The following PRMT8 variants were observed in gnomAD, a reference collection of about 807,000 sequenced individuals.
PRMT8 encodes the protein protein arginine methyltransferase 8, also known as protein arginine N-methyltransferase 8.
Under a neutral mutation model 47.1 loss-of-function variants are expected in PRMT8, and 7 were observed. The observed-to-expected ratio is 0.15, with a 90% CI of 0.08 to 0.28. The LOEUF (loss-of-function observed/expected upper bound fraction) is 0.28, where lower values mean the gene tolerates loss of function less well. Among genes scored for constraint, PRMT8 ranks in the 10% least tolerant of loss-of-function variants. The pLI is 1.00. For synonymous variants in PRMT8, 188 were observed against 186.5 expected, an observed-to-expected ratio of 1.01 and a Z score of -0.07; for missense variants, 237 against 505.4, an observed-to-expected ratio of 0.47 and a Z score of 5.09.
At chr12:3,543,600 G>GATTGATCTGTAAATA (rs1866271883) in intron 2 of PRMT8, among the ~76,000 whole-genome samples, 1 of 152,158 alleles carries the variant, frequency 6.6e-6, no homozygotes. Flanking sequence ...GACTGGGTTT[G>GATTGATCTGTAAATA]ATTGATCTGT....
intron 1 of PRMT8, among the ~76,000 whole-genome samples, chr12:3,396,506 A>G: frequency 6.6e-6 from 1 of 152,194 alleles, no homozygotes; most frequent in East Asian, 1.9e-4. Context: ...TTCTGGGTTG[A>G]AAATTCTTTT....
At chr12:3,448,147 G>A (rs1413040785) in intron 1 of PRMT8, among the ~76,000 whole-genome samples, 1 of 152,148 alleles carries the variant, frequency 6.6e-6, no homozygotes, top group Non-Finnish European at 1.5e-5. Flanking sequence ...CAGGCATGTG[G>A]CACTATGCCT....
Position 3,540,613 on chromosome 12 carries a change from G to C in PRMT8, c.83G>C (p.Ser28Thr). 63 of 1,130,422 alleles carry C rather than the reference G, an allele frequency of 5.6e-5. No homozygotes were observed. Among genetic ancestry groups the C allele is most frequent in the South Asian group, 2.4e-4 (19 of 78,770 alleles). The allele number at this position is 1,130,422 out of a possible 1,614,324, so 70.0% of individuals were successfully genotyped here. ...CCCTTCTCTTCCCCTCAGGTGAACA[G>C]CCCCCCCTCCCAGCCCCCCCAGCCC... ...ENAAESTEVN[S>T]PPSQPPQPVV... Residue 28 changes from serine to threonine, a missense_variant, in exon 2 of 10, where the codon AGC (serine) becomes ACC (threonine). Ser to Thr is a moderately conservative substitution (Grantham distance 58, BLOSUM62 1). This residue lies in a region of PRMT8 where 43 missense variants were observed against 32.4 expected (regional missense o/e 1.33). Transcript: ENST00000382622.
chr12:3,446,903 T>C (rs1864861328), intron 1 of PRMT8, among the ~76,000 whole-genome samples: 1 of 152,152 alleles, frequency 6.6e-6, no homozygotes, highest in African/African-American at 2.4e-5. Flanking sequence ...AAATAAACAT[T>C]CAACCACCTT....
intron 1 of PRMT8, among the ~76,000 whole-genome samples, chr12:3,382,641 A>G (rs1423492600): frequency 6.6e-6 from 1 of 152,142 alleles, no homozygotes; most frequent in Non-Finnish European, 1.5e-5. Flanking sequence ...GTGGTTTACA[A>G]ATATTTTCTC....
chr12:3,488,108 T>G (rs961738453), upstream of PRMT8, among the ~76,000 whole-genome samples: 1 of 152,184 alleles, frequency 6.6e-6, no homozygotes, highest in African/African-American at 2.4e-5. Flanking sequence ...GGCAATTCCT[T>G]GTGTTTTTGT....
Position 3,552,856 on chromosome 12 carries a change from A to T in PRMT8, c.418-795A>T. The T allele has an allele frequency of 2.2e-6, 1 of 449,792 alleles. No homozygotes were observed. The highest frequency in any genetic ancestry group is 1.6e-5 in the South Asian group (1 of 63,774). The allele number at this position is 449,792 out of a possible 1,614,324, so 27.9% of individuals were successfully genotyped here. On this transcript the variant is annotated intron_variant, in intron 3 of 9. Coordinates refer to ENST00000382622, the MANE Select transcript of PRMT8 (RefSeq NM_019854.5). The surrounding 1 kb of genome is among the most constrained non-coding windows in gnomAD (Gnocchi z 4.5). ...GGAGGTGAGTAGAGCCCAGGGCCTT[A>T]GCACAGGCCAGCCTCTGTAAGAGAG...
chr12:3,542,630 A>G (rs1179963227), intron 2 of PRMT8, among the ~76,000 whole-genome samples: 1 of 152,208 alleles, frequency 6.6e-6, no homozygotes, highest in East Asian at 1.9e-4. Flanking sequence ...GGGCCTGCCC[A>G]GAACTCCCCC....
intron 1 of PRMT8, among the ~76,000 whole-genome samples, chr12:3,520,509 A>G (rs116156321): frequency 0.023 from 3,494 of 152,336 alleles, 137 homozygotes; most frequent in African/African-American, 0.079. Flanking sequence ...GGAGAGGAGA[A>G]TAAAAAGGCA....
At chr12:3,465,122 C>CAAA (rs1386915523) in intron 1 of PRMT8, among the ~76,000 whole-genome samples, 15 of 44,394 alleles carry the variant, frequency 3.4e-4, no homozygotes, top group African/African-American at 1.3e-3. Context: ...AACTCTGTCT[C>CAAA]AAAAAAAATA....
intron 1 of PRMT8, among the ~76,000 whole-genome samples, chr12:3,410,188 G>A (rs1390527848): frequency 2.0e-5 from 3 of 152,148 alleles, no homozygotes; most frequent in African/African-American, 7.2e-5. Flanking sequence ...ACAGAATTTG[G>A]CAAACTTATT....
chr12:3,437,034 GA>G (rs1329237881), intron 1 of PRMT8, among the ~76,000 whole-genome samples: 13 of 152,156 alleles, frequency 8.5e-5, no homozygotes, highest in African/African-American at 3.1e-4. Context: ...TCACGAAAAT[GA>G]AATATTCCAG....
intron 1 of PRMT8, among the ~76,000 whole-genome samples, chr12:3,452,003 A>C (rs1864923791): frequency 6.6e-6 from 1 of 152,196 alleles, no homozygotes; most frequent in South Asian, 2.1e-4. Context: ...GTTAGGATGA[A>C]AAACGCCTCC....
upstream of PRMT8, among the ~76,000 whole-genome samples, chr12:3,486,398 A>G (rs1865323907): frequency 6.6e-6 from 1 of 152,208 alleles, no homozygotes; most frequent in Non-Finnish European, 1.5e-5. Flanking sequence ...TTCCTGGAAG[A>G]TAAGGGTCAC....
chr12:3,553,391 C>T (rs1443722773), intron 3 of PRMT8: 1 of 567,196 alleles, frequency 1.8e-6, no homozygotes, highest in Non-Finnish European at 3.2e-6. Flanking sequence ...TTTGAGTCTC[C>T]AGCACAGAGA....
At chr12:3,510,822 C>T (rs578043383) in intron 1 of PRMT8, among the ~76,000 whole-genome samples, 100 of 152,294 alleles carry the variant, frequency 6.6e-4, no homozygotes, top group Non-Finnish European at 1.1e-3. Flanking sequence ...GTGCACTCCA[C>T]GTAATCCAGT....
chr12:3,397,543 C>T (rs1307217317), intron 1 of PRMT8, among the ~76,000 whole-genome samples: 2 of 151,112 alleles, frequency 1.3e-5, no homozygotes, highest in East Asian at 1.9e-4. Context: ...GGTCAGGGAC[C>T]CACTTGAGGA....
intron 1 of PRMT8, among the ~76,000 whole-genome samples, chr12:3,394,209 T>G (rs1350548963): frequency 1.3e-5 from 2 of 151,572 alleles, no homozygotes; most frequent in African/African-American, 4.8e-5. Flanking sequence ...TATTTCCTTC[T>G]CCTGCCTAAT....
In PRMT8 at chr12:3,540,624, C is replaced by CCCCCCCCCCCCCCCCCCCCCCCCCCCCA; in HGVS notation, c.94_95insCCCCCCCCCCCCCCCCCCCCCCCCCCCA (p.Gln32ProfsTer19). 3 of 1,289,516 alleles carry CCCCCCCCCCCCCCCCCCCCCCCCCCCCA rather than the reference C, an allele frequency of 2.3e-6. No homozygotes were observed. The highest frequency in any genetic ancestry group is 3.3e-6 in the Non-Finnish European group (3 of 903,892). 79.9% of individuals were successfully genotyped at this position (1,289,516 alleles called of 1,614,324 possible). A position where few individuals can be genotyped will look rare whatever the true frequency, so the allele number is the denominator to read the frequency against. On this transcript the variant is annotated frameshift_variant, in exon 2 of 10. Transcript: ENST00000382622. LOFTEE classifies it high-confidence loss of function. ...CCCTCAGGTGAACAGCCCCCCCTCC[C>CCCCCCCCCCCCCCCCCCCCCCCCCCCCA]AGCCCCCCCAGCCCGTCGTCCCTGC...
Sources: gnomAD v4.1 joint callset for allele counts (sites outside exome capture counted in the v4.1 genomes callset) on GRCh38, gnomAD v4.1.1 for gene constraint, gnomAD v4.1.1 regional missense constraint, Gnocchi (gnomAD v3.1) non-coding constraint, MANE v1.5 for transcripts, NCBI Gene and HGNC (gene_info 2026-07-23, HGNC 2026-07-21) for gene names.